The following LINGO2 variants were observed in gnomAD, a reference collection of about 807,000 sequenced individuals.
The protein encoded by LINGO2 is leucine-rich repeat and immunoglobulin-like domain-containing nogo receptor-interacting protein 2.
A neutral mutation model predicts 30.6 loss-of-function variants in LINGO2; 14 were observed. The observed-to-expected ratio is 0.46, with a 90% CI of 0.30 to 0.72. The LOEUF is 0.72. LINGO2 is among the 30% of genes least tolerant of loss of function. The probability of loss-of-function intolerance (pLI) is 0.07; values close to 1 mark genes in which losing one functional copy is unlikely to be tolerated. For missense variants in LINGO2, 729 were observed against 751.7 expected, an observed-to-expected ratio of 0.97 and a Z score of 0.35; for synonymous variants, 317 against 288.5, an observed-to-expected ratio of 1.10 and a Z score of -1.00.
At chr9:28,304,411 T>C (rs530994235) in intron 3 of LINGO2, among the ~76,000 whole-genome samples, 50 of 151,728 alleles carry the variant, frequency 3.3e-4, no homozygotes, top group Non-Finnish European at 6.6e-4. Flanking sequence ...TGTTGTACAA[T>C]TTACAGAGAG....
the LINGO2 span, among the ~76,000 whole-genome samples, chr9:28,746,576 T>G: frequency 6.6e-6 from 1 of 152,116 alleles, no homozygotes; most frequent in Non-Finnish European, 1.5e-5. Flanking sequence ...GTGTTATTTA[T>G]ATGACTCAAG....
chr9:28,647,936 T>C (rs1366402315), intron 1 of LINGO2, among the ~76,000 whole-genome samples: 2 of 149,390 alleles, frequency 1.3e-5, no homozygotes, highest in Non-Finnish European at 3.0e-5. Flanking sequence ...TTGTGGTTAA[T>C]CAACCCTAGC....
chr9:28,988,353 G>C, the LINGO2 span, among the ~76,000 whole-genome samples: 2 of 151,800 alleles, frequency 1.3e-5, no homozygotes, highest in African/African-American at 4.8e-5. Context: ...AGCTACCCCT[G>C]CTTTCTTTTG....
At chr9:27,949,715 C>A in exon 6 of LINGO2, 1 of 1,614,130 alleles carries the variant, frequency 6.2e-7, no homozygotes, top group Non-Finnish European at 8.5e-7. Flanking sequence ...GGAAGCGGAG[C>A]CCTTGGAAGG....
chr9:28,338,725 T>C (rs1825670434), intron 3 of LINGO2, among the ~76,000 whole-genome samples: 1 of 152,122 alleles, frequency 6.6e-6, no homozygotes, highest in Non-Finnish European at 1.5e-5. Context: ...TGCTCATTCT[T>C]CTTTTCTCTG....
At chr9:29,187,447 C>G in the LINGO2 span, among the ~76,000 whole-genome samples, 1 of 152,158 alleles carries the variant, frequency 6.6e-6, no homozygotes, top group African/African-American at 2.4e-5. Flanking sequence ...TATTTATATT[C>G]AAACCTCTGG....
intron 3 of LINGO2, among the ~76,000 whole-genome samples, chr9:28,360,753 T>G (rs185879377): frequency 6.6e-6 from 1 of 152,320 alleles, no homozygotes; most frequent in South Asian, 2.1e-4. Flanking sequence ...CCTGCTTCCC[T>G]TACACAGTCT....
chr9:29,186,477 C>T, the LINGO2 span, among the ~76,000 whole-genome samples: 5 of 152,030 alleles, frequency 3.3e-5, no homozygotes, highest in African/African-American at 9.7e-5. Flanking sequence ...CCTTGCCAAA[C>T]TTGAAATTTT....
the LINGO2 span, among the ~76,000 whole-genome samples, chr9:29,065,774 C>A: frequency 2.6e-5 from 4 of 151,608 alleles, no homozygotes; most frequent in Non-Finnish European, 5.9e-5. Context: ...AATTGTTTTC[C>A]CCATATAAGC....
intron 4 of LINGO2, among the ~76,000 whole-genome samples, chr9:28,233,030 T>TTA (rs1554690875): frequency 0.049 from 3,784 of 77,564 alleles, 128 homozygotes; most frequent in East Asian, 0.1. Flanking sequence ...ACAGTAAACA[T>TTA]TATATATATA....
chr9:28,503,734 C>G (rs1021559182), intron 1 of LINGO2, among the ~76,000 whole-genome samples: 3 of 151,800 alleles, frequency 2.0e-5, no homozygotes, highest in Admixed American at 6.6e-5. Flanking sequence ...TAAAGTTCTT[C>G]CATGGGAAAA....
chr9:28,503,186 G>C (rs1819963311), intron 1 of LINGO2, among the ~76,000 whole-genome samples: 1 of 152,004 alleles, frequency 6.6e-6, no homozygotes, highest in Non-Finnish European at 1.5e-5. Flanking sequence ...CAGCCACTAT[G>C]AAGCAGCTCT....
At chr9:28,921,588 T>G in the LINGO2 span, among the ~76,000 whole-genome samples, 1 of 152,184 alleles carries the variant, frequency 6.6e-6, no homozygotes. Flanking sequence ...TCTGAGACTA[T>G]GCAGAAAACA....
the LINGO2 span, among the ~76,000 whole-genome samples, chr9:28,935,083 T>C: frequency 2.6e-5 from 4 of 151,918 alleles, no homozygotes; most frequent in Non-Finnish European, 2.9e-5. Flanking sequence ...TAAAAATTGT[T>C]TTTCAAGATT....
intron 3 of LINGO2, among the ~76,000 whole-genome samples, chr9:28,343,082 C>T (rs1184799068): frequency 1.3e-5 from 2 of 152,138 alleles, no homozygotes; most frequent in African/African-American, 4.8e-5. Flanking sequence ...AAGCATATGA[C>T]AATCACCTTT....
the LINGO2 span, among the ~76,000 whole-genome samples, chr9:29,084,031 G>T: frequency 1.3e-5 from 2 of 151,500 alleles, no homozygotes; most frequent in Non-Finnish European, 2.9e-5. Context: ...AATTCAAATA[G>T]GAAAAAATCA....
intron 3 of LINGO2, among the ~76,000 whole-genome samples, chr9:28,324,575 C>T (rs928606021): frequency 6.6e-6 from 1 of 152,254 alleles, no homozygotes; most frequent in African/African-American, 2.4e-5. Flanking sequence ...TGAAAGTAAC[C>T]TCTGGTCATC....
intron 4 of LINGO2, among the ~76,000 whole-genome samples, chr9:28,174,873 A>G (rs1828699251): frequency 6.6e-6 from 1 of 150,940 alleles, no homozygotes; most frequent in Admixed American, 6.6e-5. Flanking sequence ...GAGATGGGGG[A>G]GAGAGAGAAA....
At chr9:29,020,327 A>G in the LINGO2 span, among the ~76,000 whole-genome samples, 1 of 152,230 alleles carries the variant, frequency 6.6e-6, no homozygotes, top group Non-Finnish European at 1.5e-5. Context: ...ATAAGTATGA[A>G]AAGTAGGGCA....
Sources: gnomAD v4.1 joint callset for allele counts (sites outside exome capture counted in the v4.1 genomes callset) on GRCh38, gnomAD v4.1.1 for gene constraint, MANE v1.5 for transcripts, NCBI Gene and HGNC (gene_info 2026-07-23, HGNC 2026-07-21) for gene names.